Variants in KCNH5 observed in about 807,000 individuals in gnomAD.
KCNH5 encodes the protein voltage-gated delayed rectifier potassium channel KCNH5.
KCNH5 carries 46 observed loss-of-function variants against 96.1 expected under a neutral mutation model. The observed-to-expected ratio is 0.48, with a 90% CI of 0.38 to 0.61. The LOEUF (loss-of-function observed/expected upper bound fraction) is 0.61, where lower values mean the gene tolerates loss of function less well. Among genes scored for constraint, KCNH5 ranks in the 20% least tolerant of loss-of-function variants. The pLI is 0.00. For missense variants in KCNH5, 907 were observed against 1,225.8 expected, an observed-to-expected ratio of 0.74 and a Z score of 3.88; for synonymous variants, 439 against 449.8, an observed-to-expected ratio of 0.98 and a Z score of 0.30.
chr14:62,865,792 C>A (rs1888123829), intron 7 of KCNH5, among the ~76,000 whole-genome samples: 1 of 152,170 alleles, frequency 6.6e-6, no homozygotes, highest in Non-Finnish European at 1.5e-5. Context: ...CCTAGAGCTA[C>A]CTTGTGCATT....
At chr14:62,910,119 C>A (rs1266160340) in intron 7 of KCNH5, among the ~76,000 whole-genome samples, 1 of 149,706 alleles carries the variant, frequency 6.7e-6, no homozygotes, top group Admixed American at 6.7e-5. Context: ...AGAAAGATAT[C>A]AAGGCAATTC....
chr14:62,736,732 A>G (rs1380602960), intron 10 of KCNH5, among the ~76,000 whole-genome samples: 1 of 152,216 alleles, frequency 6.6e-6, no homozygotes, highest in Non-Finnish European at 1.5e-5. Context: ...AGTCTGTAAG[A>G]GAAAGCACTC....
intron 10 of KCNH5, among the ~76,000 whole-genome samples, chr14:62,743,681 C>T (rs958458777): frequency 5.3e-5 from 8 of 152,096 alleles, no homozygotes; most frequent in Non-Finnish European, 7.4e-5. Flanking sequence ...CCCTGCTGGG[C>T]CTCACAGCTG....
intron 8 of KCNH5, among the ~76,000 whole-genome samples, chr14:62,844,458 G>A (rs10139268): frequency 0.1 from 15,261 of 152,030 alleles, 1,057 homozygotes; most frequent in East Asian, 0.29. Context: ...CTGTGGGGTC[G>A]AATTTGTTGA....
chr14:62,793,482 T>C (rs1012266235), intron 9 of KCNH5, among the ~76,000 whole-genome samples: 1 of 151,778 alleles, frequency 6.6e-6, no homozygotes, highest in African/African-American at 2.4e-5. Flanking sequence ...GTTGCTGTGA[T>C]AGAAATGTGT....
chr14:62,945,243 A>G (rs1889863940), intron 7 of KCNH5, among the ~76,000 whole-genome samples: 1 of 152,152 alleles, frequency 6.6e-6, no homozygotes, highest in African/African-American at 2.4e-5. Flanking sequence ...CTTAGAACTT[A>G]TATCGATAGG....
At chr14:62,712,207 T>A (rs1221454158) in intron 10 of KCNH5, 5 of 153,870 alleles carry the variant, frequency 3.2e-5, no homozygotes, top group South Asian at 2.0e-4. Context: ...GGTAGTTTTT[T>A]TTAAAAAAAA....
intron 8 of KCNH5, among the ~76,000 whole-genome samples, chr14:62,834,125 T>A (rs1453461202): frequency 6.6e-6 from 1 of 152,002 alleles, no homozygotes; most frequent in Non-Finnish European, 1.5e-5. Flanking sequence ...AATCAAACAA[T>A]TCAGCTTTTC....
intron 9 of KCNH5, among the ~76,000 whole-genome samples, chr14:62,788,373 T>C (rs1886362873): frequency 2.6e-5 from 4 of 152,190 alleles, no homozygotes; most frequent in Non-Finnish European, 4.4e-5. Context: ...AGTTGCTACT[T>C]ACGGATGAGC....
chr14:62,710,730 T>C (rs1250477491), intron 10 of KCNH5, among the ~76,000 whole-genome samples: 2 of 152,126 alleles, frequency 1.3e-5, no homozygotes, highest in Non-Finnish European at 2.9e-5. Context: ...AATGGAACCG[T>C]TTCAAAGTCA....
intron 8 of KCNH5, among the ~76,000 whole-genome samples, chr14:62,824,128 T>C (rs921104392): frequency 6.6e-6 from 1 of 152,066 alleles, no homozygotes; most frequent in African/African-American, 2.4e-5. Flanking sequence ...TTTCATTGTT[T>C]CCCTATAGAC....
rs1024372760 is a variant in KCNH5, at chr14:62,706,291, T to G, written c.*1217A>C. The G allele has an allele frequency of 6.6e-6, 1 of 152,140 alleles. No individual in the cohort carries two copies. The highest frequency in any genetic ancestry group is 1.5e-5 in the Non-Finnish European group (1 of 67,978). 9.4% of individuals were successfully genotyped at this position (152,140 alleles called of 1,614,324 possible). ...GCAGAAGTCCAGCAGTAGAACTGTG[T>G]GCAAAAAGCTTTAAAAAACTATAAC... is the stretch of plus-strand genomic sequence containing the variant. On this transcript the variant is annotated 3_prime_UTR_variant, in exon 11 of 11. Transcript: ENST00000322893.
chr14:62,747,959 T>A (rs1388208542), intron 10 of KCNH5, among the ~76,000 whole-genome samples: 1 of 152,210 alleles, frequency 6.6e-6, no homozygotes, highest in Non-Finnish European at 1.5e-5. Flanking sequence ...ATTTCTGCAA[T>A]TTCAAGCACA....
intron 6 of KCNH5, among the ~76,000 whole-genome samples, chr14:62,959,731 T>C (rs530172627): frequency 1.3e-5 from 2 of 152,284 alleles, no homozygotes; most frequent in South Asian, 4.1e-4. Flanking sequence ...TCAGTTTCCA[T>C]TATTTTTAAA....
rs551465784 is a variant in KCNH5 at position 62,856,443 on chromosome 14, T to C, written c.1370-6591A>G. 1.2e-4 allele frequency among the ~76,000 whole-genome samples: 18 copies of C among 152,362 alleles called. 1 individual carries two copies. In the South Asian group the frequency reaches 3.5e-3, roughly 30 times the overall value. On this transcript the variant is annotated intron_variant, in intron 7 of 10. Coordinates refer to ENST00000322893, the MANE Select transcript of KCNH5 (RefSeq NM_139318.5). ...TATTGATATGATAATGCATTGGCAG[T>C]AACGCTTAAGGCCTCATAGGTGATC...
intron 7 of KCNH5, among the ~76,000 whole-genome samples, chr14:62,929,874 C>G (rs186830897): frequency 2.6e-3 from 395 of 152,028 alleles, no homozygotes; most frequent in Admixed American, 4.7e-3. Context: ...ATGTTTAGCT[C>G]CCATGCAGAA....
intron 6 of KCNH5, among the ~76,000 whole-genome samples, chr14:62,978,944 T>A (rs1038385629): frequency 1.3e-5 from 2 of 152,176 alleles, no homozygotes; most frequent in African/African-American, 4.8e-5. Flanking sequence ...TTTCTCAGCA[T>A]TTTTCCAGAA....
intron 10 of KCNH5, among the ~76,000 whole-genome samples, chr14:62,714,265 G>T (rs965985725): frequency 6.6e-6 from 1 of 151,826 alleles, no homozygotes; most frequent in African/African-American, 2.4e-5. Flanking sequence ...TGTCAGCCTG[G>T]GTCTCAAAAA....
At chr14:62,739,795 G>T (rs1462167432) in intron 10 of KCNH5, among the ~76,000 whole-genome samples, 2 of 152,102 alleles carry the variant, frequency 1.3e-5, no homozygotes, top group Non-Finnish European at 2.9e-5. Context: ...ATATAAACCT[G>T]CAGGGTGCTT....
Sources: allele counts gnomAD v4.1 joint callset (sites outside exome capture counted in the v4.1 genomes callset), GRCh38; gene constraint gnomAD v4.1.1; transcripts MANE v1.5; gene names NCBI Gene and HGNC (gene_info 2026-07-23, HGNC 2026-07-21).